Variants in NOC3L observed in about 807,000 individuals in gnomAD.
NOC3L encodes the protein NOC3 like DNA replication regulator.
In NOC3L, 85 loss-of-function variants were observed where a neutral mutation model predicts 102.5. That is an observed-to-expected ratio of 0.83 (90% CI 0.70 to 0.99). The LOEUF (loss-of-function observed/expected upper bound fraction) is 0.99. NOC3L is among the 50% of genes least tolerant of loss of function. The pLI is 0.00. For synonymous variants in NOC3L, 303 were observed against 309.4 expected (o/e 0.98, Z 0.22); for missense variants, 878 against 914.9 (o/e 0.96, Z 0.52).
At chr10:94,349,630 C>T (rs1281819696) in intron 9 of NOC3L, among the ~76,000 whole-genome samples, 2 of 152,114 alleles carry the variant, frequency 1.3e-5, no homozygotes, top group Non-Finnish European at 2.9e-5. Flanking sequence ...CTACACCAAA[C>T]TTATGTTCAG....
At chr10:94,334,856 TCA>T in intron 19 of NOC3L, 138 bp from the exon 20 acceptor site, 1 of 638,574 alleles carries the variant, frequency 1.6e-6, no homozygotes, top group Non-Finnish European at 2.7e-6. Flanking sequence ...ACCAATCCAG[TCA>T]CTTAACAAAT....
intron 2 of NOC3L, among the ~76,000 whole-genome samples, chr10:94,360,725 A>G (rs1485542919): frequency 1.3e-5 from 2 of 152,194 alleles, no homozygotes; most frequent in African/African-American, 4.8e-5. Flanking sequence ...TAACACAAAG[A>G]TAAATGCTTG....
At chr10:94,339,953 C>G in intron 16 of NOC3L, 33 bp from the exon 17 acceptor site, 1 of 1,570,548 alleles carries the variant, frequency 6.4e-7, no homozygotes, top group Non-Finnish European at 8.7e-7. Context: ...CAGAGCTGTT[C>G]TCATTACTTT....
rs1247750521 is a variant in NOC3L at position 94,352,979 on chromosome 10, T to C, written c.775A>G (p.Ile259Val). Residue 259 changes from isoleucine to valine, a missense_variant, in exon 7 of 21, where the codon ATT becomes GTT. Coordinates refer to ENST00000371361, the MANE Select transcript of NOC3L (RefSeq NM_022451.11). Reference sequence around the variant, plus strand: ...TTAAATAACTCCATCAGAGAAACAATTACCAGCTTTCGAACAGTAACAGCC... The same window carrying C: ...TTAAATAACTCCATCAGAGAAACAACTACCAGCTTTCGAACAGTAACAGCC... ...DVAVTVRKLV[I>V]VSLMELFKDI... is the part of the protein sequence containing the mutation. 1 of 1,613,830 alleles carries C rather than the reference T, an allele frequency of 6.2e-7. No homozygotes were observed. The highest frequency in any genetic ancestry group is 1.1e-5 in the South Asian group (1 of 91,070).
chr10:94,335,790 A>G (rs900835434), intron 19 of NOC3L, among the ~76,000 whole-genome samples: 1 of 152,172 alleles, frequency 6.6e-6, no homozygotes, highest in African/African-American at 2.4e-5. Context: ...ACAGGTCACC[A>G]AACTATGATC....
intron 6 of NOC3L, among the ~76,000 whole-genome samples, chr10:94,353,933 T>C (rs2054452266): frequency 6.6e-6 from 1 of 152,166 alleles, no homozygotes; most frequent in African/African-American, 2.4e-5. Flanking sequence ...TGAACTACTA[T>C]TGTCTGTGAG....
the NOC3L span, among the ~76,000 whole-genome samples, chr10:94,323,560 C>A: frequency 4.6e-5 from 7 of 152,214 alleles, no homozygotes. Flanking sequence ...ACATAGACCA[C>A]CACATAGACA....
chr10:94,362,054 TCA>T lies in NOC3L; in HGVS notation c.10-184_10-183del, dbSNP rs1347275553. On this transcript the variant is annotated intron_variant, in intron 1 of 20. Transcript: ENST00000371361. ...AATCCTACAGAAGAGCGCTACAGCATCAGTTATTCAATCCCAATTCACAGCAA... is the reference window on the plus strand; with the variant it reads ...AATCCTACAGAAGAGCGCTACAGCATGTTATTCAATCCCAATTCACAGCAA... 4.6e-6 allele frequency: 3 copies of T among 656,658 alleles called. No individual in the cohort carries two copies. In the African/African-American group the frequency reaches 5.4e-5, roughly 12 times the overall value. 40.7% of individuals were successfully genotyped at this position (656,658 alleles called of 1,614,324 possible).
intron 2 of NOC3L, among the ~76,000 whole-genome samples, chr10:94,360,570 T>C (rs1338307365): frequency 6.6e-6 from 1 of 151,916 alleles, no homozygotes; most frequent in African/African-American, 2.4e-5. Flanking sequence ...GGAAAGGCAG[T>C]TGGAGGAGAT....
At chr10:94,339,593 A>G in intron 17 of NOC3L, 146 bp downstream of exon 17, 1 of 680,990 alleles carries the variant, frequency 1.5e-6, no homozygotes, top group South Asian at 2.2e-5. Flanking sequence ...TCAATTTTAT[A>G]TACCTCTTTT....
intron 19 of NOC3L, among the ~76,000 whole-genome samples, chr10:94,335,670 T>G (rs1186711006): frequency 2.6e-5 from 4 of 152,148 alleles, no homozygotes; most frequent in Admixed American, 2.6e-4. Context: ...TCCCAGTATT[T>G]CAAGAAAAGC....
chr10:94,316,210 T>A, the NOC3L span, among the ~76,000 whole-genome samples: 1 of 152,194 alleles, frequency 6.6e-6, no homozygotes, highest in African/African-American at 2.4e-5. Flanking sequence ...TAAACTAGGT[T>A]ATTTGCCCTC....
chr10:94,357,452 G>A (rs924515901), intron 3 of NOC3L, 121 bp from the exon 4 acceptor site: 6 of 696,738 alleles, frequency 8.6e-6, no homozygotes, highest in Non-Finnish European at 1.2e-5. Flanking sequence ...ATGGATAGTA[G>A]CACTTAGGCT....
In NOC3L at chr10:94,339,738, C is replaced by CA. The variant is rs1350873743; in HGVS notation, c.1962dup (p.Thr655TyrfsTer10). The CA allele has an allele frequency of 6.2e-7, 1 of 1,611,668 alleles. No homozygotes were observed. Among genetic ancestry groups the CA allele is most frequent in the Non-Finnish European group, 8.5e-7 (1 of 1,178,564 alleles). ...CTCTGTTCATTTGTATCACTACTTA[C>CA]ATGCATTAATATTCTGGTAGTTGCT... is the stretch of plus-strand genomic sequence containing the variant. On this transcript the variant is annotated frameshift_variant and splice_region_variant. Coordinates refer to ENST00000371361, the MANE Select transcript of NOC3L (RefSeq NM_022451.11). LOFTEE classifies it high-confidence loss of function.
chr10:94,327,077 G>A, the NOC3L span, among the ~76,000 whole-genome samples: 11 of 152,146 alleles, frequency 7.2e-5, no homozygotes, highest in Non-Finnish European at 1.5e-4. Flanking sequence ...CAGGAGAATC[G>A]CTTGAACCCG....
At chr10:94,316,516 A>G in the NOC3L span, 4 of 1,443,340 alleles carry the variant, frequency 2.8e-6, no homozygotes, top group African/African-American at 5.6e-5. Flanking sequence ...TTTTTGCCTC[A>G]CTCCTCAGTT....
downstream of NOC3L, among the ~76,000 whole-genome samples, chr10:94,333,020 T>C (rs1290522320): frequency 6.6e-6 from 1 of 152,182 alleles, no homozygotes; most frequent in African/African-American, 2.4e-5. Context: ...ATATATAATA[T>C]GCTAAAAGAC....
At chr10:94,358,833 C>T (rs1423128525) in intron 2 of NOC3L, among the ~76,000 whole-genome samples, 1 of 152,186 alleles carries the variant, frequency 6.6e-6, no homozygotes, top group African/African-American at 2.4e-5. Context: ...TCTTCACTCC[C>T]TCACTTAGAC....
At chr10:94,362,679 G>T in intron 1 of NOC3L, 151 bp downstream of exon 1, 1 of 780,462 alleles carries the variant, frequency 1.3e-6, no homozygotes, top group Admixed American at 2.1e-5. Context: ...GGTAACCAAG[G>T]ATGAGCTCGG....
Sources: gnomAD v4.1 joint callset for allele counts (sites outside exome capture counted in the v4.1 genomes callset) on GRCh38, gnomAD v4.1.1 for gene constraint, MANE v1.5 for transcripts, NCBI Gene and HGNC (gene_info 2026-07-23, HGNC 2026-07-21) for gene names.